Variants in EEA1 observed in about 807,000 individuals in gnomAD.
EEA1 encodes early endosome antigen 1, 162kD.
Under a neutral mutation model 209.2 loss-of-function variants are expected in EEA1, and 111 were observed. The ratio of observed to expected loss-of-function variants is 0.53; its 90% CI spans 0.45 to 0.62. The LOEUF (loss-of-function observed/expected upper bound fraction) is 0.62. Ranked by LOEUF, EEA1 falls within the 20% of genes least tolerant of loss-of-function variation. EEA1 has a pLI of 0.00. For synonymous variants in EEA1, 536 were observed against 540.6 expected (o/e 0.99, Z 0.12); for missense variants, 1,343 against 1,530.8 (o/e 0.88, Z 2.05).
intron 20 of EEA1, among the ~76,000 whole-genome samples, chr12:92,799,378 G>A (rs11106702): frequency 0.28 from 42,463 of 151,896 alleles, 6,337 homozygotes; most frequent in Non-Finnish European, 0.32. Context: ...CTTTCTTTTT[G>A]ACTTATAATT....
chr12:92,804,567 G>A (rs1180234681), intron 18 of EEA1, among the ~76,000 whole-genome samples: 14 of 103,440 alleles, frequency 1.4e-4, no homozygotes, highest in South Asian at 6.2e-4. Flanking sequence ...GTGAGACTCT[G>A]TCTCAAAAAA....
At chr12:92,884,890 G>GTA in intron 2 of EEA1, among the ~76,000 whole-genome samples, 1 of 151,456 alleles carries the variant, frequency 6.6e-6, no homozygotes, top group South Asian at 2.1e-4. Flanking sequence ...GTGACTAATT[G>GTA]TATAACAAGT....
At chr12:92,819,872 T>C (rs12322281) in intron 13 of EEA1, among the ~76,000 whole-genome samples, 223 of 152,212 alleles carry the variant, frequency 1.5e-3, no homozygotes, top group African/African-American at 5.2e-3. Flanking sequence ...CAACTGTTCC[T>C]TTTGCCTGGA....
intron 1 of EEA1, among the ~76,000 whole-genome samples, chr12:92,893,309 G>A (rs1195303537): frequency 6.6e-6 from 1 of 152,094 alleles, no homozygotes; most frequent in Non-Finnish European, 1.5e-5. Flanking sequence ...TACAAATGAG[G>A]GAACCAAGGC....
intron 23 of EEA1, among the ~76,000 whole-genome samples, chr12:92,780,836 A>G (rs1027058335): frequency 2.6e-5 from 4 of 152,212 alleles, no homozygotes; most frequent in Admixed American, 6.5e-5. Context: ...AAAATAATCT[A>G]TCAGAGATAG....
At chr12:92,905,780 T>C (rs1880357908) in intron 1 of EEA1, among the ~76,000 whole-genome samples, 1 of 152,204 alleles carries the variant, frequency 6.6e-6, no homozygotes, top group Non-Finnish European at 1.5e-5. Context: ...AATGTTATTG[T>C]TTACTTATGC....
chr12:92,820,236 G>A (rs992765186), intron 13 of EEA1, among the ~76,000 whole-genome samples: 2 of 151,922 alleles, frequency 1.3e-5, no homozygotes, highest in East Asian at 1.9e-4. Context: ...ACATATACCC[G>A]CAGGCTCACT....
chr12:92,792,061 T>C (rs1251499970), intron 21 of EEA1, among the ~76,000 whole-genome samples: 2 of 152,190 alleles, frequency 1.3e-5, no homozygotes, highest in Non-Finnish European at 2.9e-5. Flanking sequence ...AATAAAGATG[T>C]TCTTTGAAAC....
intron 1 of EEA1, among the ~76,000 whole-genome samples, chr12:92,908,743 A>G (rs923539156): frequency 5.3e-5 from 8 of 152,222 alleles, no homozygotes; most frequent in Admixed American, 5.2e-4. Context: ...GATATTCAGT[A>G]TAAGAAAAAA....
intron 9 of EEA1, among the ~76,000 whole-genome samples, chr12:92,847,029 T>C (rs898366998): frequency 1.3e-5 from 2 of 152,188 alleles, no homozygotes; most frequent in Admixed American, 6.5e-5. Context: ...CTTGGCTCAC[T>C]GCAACCTCCA....
chr12:92,785,426 T>C (rs1874088510), intron 22 of EEA1, among the ~76,000 whole-genome samples: 1 of 152,096 alleles, frequency 6.6e-6, no homozygotes, highest in Non-Finnish European at 1.5e-5. Context: ...GCTCTGAATC[T>C]CTCCTCTTCT....
chr12:92,848,215 A>G (rs2136706262), intron 9 of EEA1, among the ~76,000 whole-genome samples: 1 of 151,602 alleles, frequency 6.6e-6, no homozygotes, highest in Admixed American at 6.6e-5. Flanking sequence ...CTTCTTTCCT[A>G]GAAATACCTT....
chr12:92,785,737 G>A (rs1230110277), intron 22 of EEA1, among the ~76,000 whole-genome samples: 1 of 152,120 alleles, frequency 6.6e-6, no homozygotes, highest in Non-Finnish European at 1.5e-5. Context: ...TGTCTTCTCT[G>A]CAAAAGGAAG....
chr12:92,818,029 C>T (rs758156086), intron 14 of EEA1, among the ~76,000 whole-genome samples: 3 of 152,154 alleles, frequency 2.0e-5, no homozygotes, highest in Non-Finnish European at 4.4e-5. Context: ...TGATAGTATT[C>T]ATTGGCCTCA....
At chr12:92,828,942 G>A (rs1876466497) in intron 11 of EEA1, among the ~76,000 whole-genome samples, 1 of 152,054 alleles carries the variant, frequency 6.6e-6, no homozygotes, top group African/African-American at 2.4e-5. Flanking sequence ...TACAACAGCT[G>A]AAGTACTAAG....
At position 92,777,057 on chromosome 12, in the gene EEA1, T is replaced by C. The variant is rs1317883978; in HGVS notation, c.4015-115A>G. The C allele has an allele frequency of 4.1e-6, 4 of 974,272 alleles. 1 individual carries two copies. The highest frequency in any genetic ancestry group is 5.0e-5 in the Admixed American group (2 of 40,186). The allele number at this position is 974,272 out of a possible 1,614,324, so 60.4% of individuals were successfully genotyped here. ...AATTTTGACTATATGACCCATGAAA[T>C]AAAATTTTAAAAATCAGAAATACAC... On this transcript the variant is annotated intron_variant, in intron 27 of 28. Transcript: ENST00000322349.
At chr12:92,864,133 A>T (rs4760501) in intron 3 of EEA1, among the ~76,000 whole-genome samples, 145,149 of 152,216 alleles carry the variant, frequency 0.95, 69,237 homozygotes, top group East Asian at 1. Context: ...TGTTTTATAG[A>T]TCTACATTAT....
At chr12:92,877,889 T>A (rs1411972493) in intron 2 of EEA1, among the ~76,000 whole-genome samples, 3 of 152,234 alleles carry the variant, frequency 2.0e-5, no homozygotes, top group Non-Finnish European at 4.4e-5. Context: ...TTATTTTGCA[T>A]AATAGGAAGC....
At position 92,826,271 on chromosome 12, in the gene EEA1, A is replaced by G; in HGVS notation, c.1419T>C (p.Val473=). 6.2e-7 allele frequency: 1 copy of G among 1,612,080 alleles called. No individual in the cohort carries two copies. The highest frequency in any genetic ancestry group is 8.5e-7 in the Non-Finnish European group (1 of 1,178,504). Residue 473 remains valine, a synonymous_variant, in exon 13 of 29, where the codon GTT becomes GTC. Transcript: ENST00000322349. ...SRLEEQLKEK[V]TNSTELQHQL... is the part of the protein sequence containing the mutation. ...GATGCTGCAATTCTGTAGAATTTGTAACTTTTTCCTTCAACTTAAAAAAAT... is the reference window on the plus strand; with the variant it reads ...GATGCTGCAATTCTGTAGAATTTGTGACTTTTTCCTTCAACTTAAAAAAAT...
Sources: gnomAD v4.1 joint callset for allele counts (sites outside exome capture counted in the v4.1 genomes callset) on GRCh38, gnomAD v4.1.1 for gene constraint, MANE v1.5 for transcripts, NCBI Gene and HGNC (gene_info 2026-07-23, HGNC 2026-07-21) for gene names.